OSR2: variants seen among roughly 807,000 people sequenced by gnomAD.
OSR2 encodes the protein odd-skipped related transciption factor 2.
Under a neutral mutation model 22.3 loss-of-function variants are expected in OSR2, and 8 were observed. That is an observed-to-expected ratio of 0.36 (90% CI 0.21 to 0.65). The LOEUF is 0.65. Ranked by LOEUF, OSR2 falls within the 30% of genes least tolerant of loss-of-function variation. The pLI, the probability that OSR2 is intolerant of heterozygous loss-of-function variation, is 0.66. For synonymous variants in OSR2, 179 were observed against 173.8 expected (o/e 1.03, Z -0.23); for missense variants, 311 against 413.4 (o/e 0.75, Z 2.15).
In OSR2 at chr8:98,949,071, T is replaced by G; in HGVS notation, c.119T>G (p.Leu40Arg). 1 of 1,613,988 alleles carries G rather than the reference T, an allele frequency of 6.2e-7. No homozygotes were observed. The highest frequency in any genetic ancestry group is 8.5e-7 in the Non-Finnish European group (1 of 1,179,902). The change falls in exon 2 of 4, where the codon CTG becomes CGG. Residue 40 changes from leucine (L) to arginine (R), a missense_variant. Leu to Arg is a moderately radical substitution (Grantham distance 102). Transcript: ENST00000297565. This position sits in a 1 kb window ranked among gnomAD's most constrained non-coding sequence, Gnocchi z 5.9. ...FPATVDHLQG[L>R]YGLSAVQTMH... ...GCCACGGTGGACCACCTGCAGGGCC[T>G]GTACGGTCTCAGCGCGGTACAGACC...
At chr8:98,950,994 A>AT (rs1364661048) in intron 3 of OSR2, 2 of 594,318 alleles carry the variant, frequency 3.4e-6, no homozygotes, top group Non-Finnish European at 3.0e-6. Flanking sequence ...TAATTTTAGA[A>AT]TTTTTTTCAT....
intron 1 of OSR2, among the ~76,000 whole-genome samples, chr8:98,946,640 G>C (rs963534042): frequency 6.6e-6 from 1 of 152,086 alleles, no homozygotes; most frequent in African/African-American, 2.4e-5. Flanking sequence ...AGAGAAAAGG[G>C]AAAGAAGATG....
rs1203581428 is a variant in OSR2 at position 98,951,863 on chromosome 8, A to T, written c.*162A>T. The T allele has an allele frequency of 1.5e-6, 1 of 654,036 alleles. No individual in the cohort carries two copies. Among genetic ancestry groups the T allele is most frequent in the African/African-American group, 1.8e-5 (1 of 54,798 alleles). The allele number at this position is 654,036 out of a possible 1,614,324, so 40.5% of individuals were successfully genotyped here. ...AGGGAGTTAACTCTTCTTCTGGGGGACTGAGAACTGTAGAAAGCCACACAC... is the reference window on the plus strand; with the variant it reads ...AGGGAGTTAACTCTTCTTCTGGGGGTCTGAGAACTGTAGAAAGCCACACAC... On this transcript the variant is annotated 3_prime_UTR_variant, in exon 4 of 4. Transcript: ENST00000297565.
Position 98,948,469 on chromosome 8 carries a change from C to A in OSR2, c.-114-370C>A. On this transcript the variant is annotated intron_variant, in intron 1 of 3. Coordinates refer to ENST00000297565, the MANE Select transcript of OSR2 (RefSeq NM_001142462.3). This position sits in a 1 kb window ranked among gnomAD's most constrained non-coding sequence, Gnocchi z 6.0. ...TGGCATTGCGGTTGACTGAGCTTCG[C>A]CTAACAGGCTTGGGGAGGGTGGGCT... is the stretch of plus-strand genomic sequence containing the variant. 1.2e-6 allele frequency: 1 copy of A among 801,334 alleles called. No homozygotes were observed. Among genetic ancestry groups the A allele is most frequent in the Non-Finnish European group, 1.6e-6 (1 of 617,652 alleles). The allele number at this position is 801,334 out of a possible 1,614,324, so 49.6% of individuals were successfully genotyped here. A position where few individuals can be genotyped will look rare whatever the true frequency, so the allele number is the denominator to read the frequency against.
intron 3 of OSR2, among the ~76,000 whole-genome samples, 174 bp from the exon 4 acceptor site, chr8:98,951,345 G>A (rs566397208): frequency 2.6e-5 from 4 of 152,164 alleles, no homozygotes; most frequent in Non-Finnish European, 5.9e-5. Context: ...ATGCCTGCAC[G>A]TGTATTTTCA....
chr8:98,946,026 G>C (rs560523835), intron 1 of OSR2: 1 of 152,234 alleles, frequency 6.6e-6, no homozygotes, highest in South Asian at 2.1e-4. Flanking sequence ...CCAATGTTTT[G>C]AAAGCTTCAC....
rs576653383 is a variant in OSR2 at position 98,949,665 on chromosome 8, C to G, written c.656+57C>G. On this transcript the variant is annotated intron_variant, in intron 2 of 3. Transcript: ENST00000297565. The surrounding 1 kb of genome is among the most constrained non-coding windows in gnomAD (Gnocchi z 5.9). The stretch of plus-strand genomic sequence containing the variant: ...GGAAAGCGAATTTGTCCTGGACACA[C>G]CGAGTCCTGATAGACATTCCCAGTG... 6.5e-7 allele frequency: 1 copy of G among 1,537,410 alleles called. No individual in the cohort carries two copies. The highest frequency in any genetic ancestry group is 1.4e-5 in the African/African-American group (1 of 72,644).
rs889950719 is a variant in OSR2 at position 98,949,994 on chromosome 8, C to G, written c.656+386C>G. Among the ~76,000 whole-genome samples the G allele has an allele frequency of 3.3e-5, 5 of 150,654 alleles. No homozygotes were observed. The South Asian group carries it at 1.1e-3, about 32-fold the overall frequency. On this transcript the variant is annotated intron_variant, in intron 2 of 3. Transcript: ENST00000297565. This position sits in a 1 kb window ranked among gnomAD's most constrained non-coding sequence, Gnocchi z 5.9. The stretch of plus-strand genomic sequence containing the variant: ...GGGTTTCGTCCCTCCCCCCACCCCC[C>G]ACCCTCCACCCAGGTGCGCCCCAGA...
chr8:98,949,537 G>T lies in OSR2; in HGVS notation c.585G>T (p.Thr195=), dbSNP rs1375277726. The T allele has an allele frequency of 1.2e-6, 2 of 1,614,138 alleles. No homozygotes were observed. The highest frequency in any genetic ancestry group is 8.5e-7 in the Non-Finnish European group (1 of 1,179,996). The change falls in exon 2 of 4, where the codon ACG becomes ACT. Residue 195 remains threonine (T), a synonymous_variant. Coordinates refer to ENST00000297565, the MANE Select transcript of OSR2 (RefSeq NM_001142462.3). The surrounding 1 kb of genome is among the most constrained non-coding windows in gnomAD (Gnocchi z 5.9). ...YNLLIHERTH[T]DERPYTCDIC... Reference sequence around the variant, plus strand: ...TGCTCATCCATGAGAGGACCCACACGGACGAGAGGCCGTACACGTGTGACA... The same window carrying T: ...TGCTCATCCATGAGAGGACCCACACTGACGAGAGGCCGTACACGTGTGACA...
chr8:98,948,715 G>A lies in OSR2; in HGVS notation c.-114-124G>A. On this transcript the variant is annotated intron_variant, in intron 1 of 3. Transcript: ENST00000297565. The surrounding 1 kb of genome is among the most constrained non-coding windows in gnomAD (Gnocchi z 6.0). ...CCACGCAGTCCCCTCACGGCTTTCG[G>A]GGGGTCTTGGAGTCGGGTGGGGAGG... 1.6e-6 allele frequency: 2 copies of A among 1,244,338 alleles called. No homozygotes were observed. The highest frequency in any genetic ancestry group is 1.6e-5 in the South Asian group (1 of 64,042). The allele number at this position is 1,244,338 out of a possible 1,614,324, so 77.1% of individuals were successfully genotyped here.
chr8:98,951,483 A>C, intron 3 of OSR2, 36 bp from the exon 4 acceptor site: 1 of 1,544,446 alleles, frequency 6.5e-7, no homozygotes, highest in Non-Finnish European at 8.8e-7. Flanking sequence ...TGGTGGTGTG[A>C]AGGATTAATC....
chr8:98,949,010 A>T lies in OSR2; in HGVS notation c.58A>T (p.Asn20Tyr). The change falls in exon 2 of 4, where the codon AAT (asparagine) becomes TAT (tyrosine). Residue 20 changes from asparagine (N) to tyrosine (Y), a missense_variant. By Grantham distance (143) the Asn-to-Tyr change is moderately radical. Around this residue, in one of 5 missense-constraint regions of OSR2, gnomAD observed 146 missense variants for 160.5 expected, o/e 0.91. Transcript: ENST00000297565. The surrounding 1 kb of genome is among the most constrained non-coding windows in gnomAD (Gnocchi z 5.9). ...GCTCCACCCGTCGCTGCAGCTCACC[A>T]ATTACTCCTTCCTGCAGGCCGTGAA... ...IPLHPSLQLT[N>Y]YSFLQAVNTF... 1 of 1,613,902 alleles carries T rather than the reference A, an allele frequency of 6.2e-7. No homozygotes were observed. Among genetic ancestry groups the T allele is most frequent in the East Asian group, 2.2e-5 (1 of 44,878 alleles).
chr8:98,949,728 T>G lies in OSR2; in HGVS notation c.656+120T>G. Reference sequence around the variant, plus strand: ...CCTGTGATCTAAAATACACCCTCAGTCACGCTCCTCAGCCCGGTTCAGCTA... The same window carrying G: ...CCTGTGATCTAAAATACACCCTCAGGCACGCTCCTCAGCCCGGTTCAGCTA... On this transcript the variant is annotated intron_variant, in intron 2 of 3. Transcript: ENST00000297565. The surrounding 1 kb of genome is among the most constrained non-coding windows in gnomAD (Gnocchi z 5.9). 1 of 1,190,244 alleles carries G rather than the reference T, an allele frequency of 8.4e-7. No individual in the cohort carries two copies. Among genetic ancestry groups the G allele is most frequent in the Non-Finnish European group, 1.2e-6 (1 of 853,636 alleles). The allele number at this position is 1,190,244 out of a possible 1,614,324, so 73.7% of individuals were successfully genotyped here.
Position 98,949,227 on chromosome 8 carries a change from C to T in OSR2, c.275C>T (p.Thr92Ile). Residue 92 changes from threonine to isoleucine, a missense_variant, in exon 2 of 4, where the codon ACC becomes ATC. Physicochemically the swap from Thr to Ile is moderately conservative, Grantham distance 89. This residue lies in a region of OSR2 where 146 missense variants were observed against 160.5 expected (regional missense o/e 0.91). Coordinates refer to ENST00000297565, the MANE Select transcript of OSR2 (RefSeq NM_001142462.3). The surrounding 1 kb of genome is among the most constrained non-coding windows in gnomAD (Gnocchi z 5.9). Reference sequence around the variant, plus strand: ...CCCTTCCCGGCCCTGCCTTTTACCACCCACCTATTCCACCCCAAGCAGGGG... The same window carrying T: ...CCCTTCCCGGCCCTGCCTTTTACCATCCACCTATTCCACCCCAAGCAGGGG... ...RFPFPALPFT[T>I]HLFHPKQGAI... 6.3e-7 allele frequency: 1 copy of T among 1,593,590 alleles called. No individual in the cohort carries two copies. The highest frequency in any genetic ancestry group is 8.6e-7 in the Non-Finnish European group (1 of 1,167,446).
At chr8:98,950,919 C>T (rs1180363734) in intron 3 of OSR2, 164 bp downstream of exon 3, 1 of 651,702 alleles carries the variant, frequency 1.5e-6, no homozygotes, top group Non-Finnish European at 2.7e-6. Flanking sequence ...TAAAATTAAT[C>T]TTGTTTAACA....
intron 1 of OSR2, 104 bp downstream of exon 1, chr8:98,944,927 A>C (rs1314870126): frequency 6.6e-6 from 1 of 152,192 alleles, no homozygotes; most frequent in African/African-American, 2.4e-5. Flanking sequence ...CCAAATTCAG[A>C]TGTGAAAATA....
chr8:98,951,596 T>G lies in OSR2; in HGVS notation c.834T>G (p.His278Gln). The change falls in exon 4 of 4, where the codon CAT becomes CAG. Residue 278 changes from histidine to glutamine, a missense_variant. Transcript: ENST00000297565. ...ATCTGAAAACTCACCTTCTCACCCA[T>G]ACAGACATCAAGCCCTACAGCTGCG... is the stretch of plus-strand genomic sequence containing the variant. ...RSNLKTHLLT[H>Q]TDIKPYSCEQ... is the part of the protein sequence containing the mutation. 6.2e-7 allele frequency: 1 copy of G among 1,613,976 alleles called. No homozygotes were observed. Among genetic ancestry groups the G allele is most frequent in the Non-Finnish European group, 8.5e-7 (1 of 1,179,880 alleles).
Position 98,949,618 on chromosome 8 carries a change from G to T in OSR2, c.656+10G>T, listed in dbSNP as rs543533750. 6 of 1,601,190 alleles carry T rather than the reference G, an allele frequency of 3.7e-6. No individual in the cohort carries two copies. The Admixed American group carries it at 8.5e-5, about 23-fold the overall frequency. ...ACCTGCGGGATCACAGGTGAGGCGG[G>T]CAAGGAGGATGGCTGGGAGAGGGAA... is the stretch of plus-strand genomic sequence containing the variant. On this transcript the variant is annotated intron_variant, in intron 2 of 3. Transcript: ENST00000297565. This position sits in a 1 kb window ranked among gnomAD's most constrained non-coding sequence, Gnocchi z 5.9.
In OSR2 at chr8:98,948,571, C is replaced by G; in HGVS notation, c.-114-268C>G. On this transcript the variant is annotated intron_variant, in intron 1 of 3. Transcript: ENST00000297565. The surrounding 1 kb of genome is among the most constrained non-coding windows in gnomAD (Gnocchi z 6.0). ...CCTGGGACCGAGGAGTCTTCCGCTC[C>G]GTATCTGCCTAGAGTCTGAATCCGA... 1 of 1,142,980 alleles carries G rather than the reference C, an allele frequency of 8.7e-7. No homozygotes were observed. The highest frequency in any genetic ancestry group is 1.6e-5 in the African/African-American group (1 of 63,802). The allele number at this position is 1,142,980 out of a possible 1,614,324, so 70.8% of individuals were successfully genotyped here.
Sources: gnomAD v4.1 joint callset for allele counts (sites outside exome capture counted in the v4.1 genomes callset) on GRCh38, gnomAD v4.1.1 for gene constraint, gnomAD v4.1.1 regional missense constraint, Gnocchi (gnomAD v3.1) non-coding constraint, MANE v1.5 for transcripts, NCBI Gene and HGNC (gene_info 2026-07-23, HGNC 2026-07-21) for gene names.